Variants in SRGAP2B observed in about 807,000 individuals in gnomAD.
SRGAP2B encodes the protein SLIT-ROBO Rho GTPase activating protein 2B, also known as SLIT-ROBO Rho GTPase-activating protein 2B.
Under a neutral mutation model 22.2 loss-of-function variants are expected in SRGAP2B, and 9 were observed. That is an observed-to-expected ratio of 0.41 (90% CI 0.24 to 0.71). The LOEUF (loss-of-function observed/expected upper bound fraction) is 0.71. Among genes scored for constraint, SRGAP2B ranks in the 30% least tolerant of loss-of-function variants. The pLI, the probability that SRGAP2B is intolerant of heterozygous loss-of-function variation, is 0.35. For synonymous variants in SRGAP2B, 36 were observed against 87.4 expected (o/e 0.41, Z 3.28); for missense variants, 114 against 235.8 (o/e 0.48, Z 3.38).
chr1:145,006,143 A>C (rs1386709188), intron 2 of SRGAP2B, among the ~76,000 whole-genome samples: 2 of 150,936 alleles, frequency 1.3e-5, no homozygotes, highest in Non-Finnish European at 2.9e-5. Flanking sequence ...CTGCTACTGA[A>C]GCATGAGACT....
chr1:144,990,732 C>T (rs1553616880), intron 3 of SRGAP2B, among the ~76,000 whole-genome samples: 1 of 151,108 alleles, frequency 6.6e-6, no homozygotes, highest in Admixed American at 6.6e-5. Flanking sequence ...TTGGTGGGCC[C>T]CGCACTCGGA....
intron 2 of SRGAP2B, among the ~76,000 whole-genome samples, chr1:145,009,658 C>T (rs1338864719): frequency 1.4e-5 from 2 of 146,470 alleles, no homozygotes; most frequent in Non-Finnish European, 3.0e-5. Flanking sequence ...CATGAGAATC[C>T]ATAACACTAG....
intron 4 of SRGAP2B, among the ~76,000 whole-genome samples, chr1:144,951,573 T>A (rs2101917166): frequency 6.7e-6 from 1 of 150,174 alleles, no homozygotes; most frequent in South Asian, 2.1e-4. Flanking sequence ...CGGTAAGGAT[T>A]AAAGGAGATA....
At position 144,993,670 on chromosome 1, in the gene SRGAP2B, C is replaced by T. The variant is rs1442001257; in HGVS notation, c.260+1338G>A. ...GAGGCTGCAGGGAGCCAAGATCACG[C>T]TATTGTACTTCAGCCTGGGTGACAG... On this transcript the variant is annotated intron_variant, in intron 3 of 9. Coordinates refer to ENST00000612199, the Ensembl canonical transcript of SRGAP2B. Among the ~76,000 whole-genome samples the T allele has an allele frequency of 2.0e-5, 3 of 148,228 alleles. 1 individual carries two copies. Among genetic ancestry groups the T allele is most frequent in the African/African-American group, 5.2e-5 (2 of 38,770 alleles).
chr1:145,080,282 ACT>A (rs1249295498), intron 2 of SRGAP2B, among the ~76,000 whole-genome samples: 1 of 146,592 alleles, frequency 6.8e-6, no homozygotes, highest in Non-Finnish European at 1.5e-5. Context: ...CCATCAAGTA[ACT>A]CTCTCTCCCC....
At chr1:144,963,354 TAAA>T (rs2101972438) in intron 3 of SRGAP2B, among the ~76,000 whole-genome samples, 1 of 135,506 alleles carries the variant, frequency 7.4e-6, no homozygotes, top group African/African-American at 3.0e-5. Context: ...TCAGTTAAAC[TAAA>T]ACACCATAGC....
chr1:144,954,748 T>C (rs1553609964), intron 4 of SRGAP2B, among the ~76,000 whole-genome samples: 1 of 150,540 alleles, frequency 6.6e-6, no homozygotes, highest in Non-Finnish European at 1.5e-5. Context: ...ATGATTATTT[T>C]GAGTTTTCCT....
At chr1:144,965,196 A>C (rs1667986199) in intron 3 of SRGAP2B, 1 of 1,044,760 alleles carries the variant, frequency 9.6e-7, no homozygotes, top group Non-Finnish European at 1.5e-6. Flanking sequence ...TCCGGTCTAC[A>C]GCTCCAGCGT....
intron 3 of SRGAP2B, among the ~76,000 whole-genome samples, chr1:144,992,251 C>A: frequency 6.6e-6 from 1 of 150,908 alleles, no homozygotes. Flanking sequence ...GACACACCAC[C>A]TTAAGAGCTG....
intron 2 of SRGAP2B, among the ~76,000 whole-genome samples, chr1:145,063,575 G>A (rs1197556337): frequency 6.6e-6 from 1 of 150,552 alleles, no homozygotes; most frequent in Non-Finnish European, 1.5e-5. Flanking sequence ...TGTAGAAAGG[G>A]AAGATACAAG....
At chr1:144,903,103 T>C (rs1662754797) in intron 7 of SRGAP2B, among the ~76,000 whole-genome samples, 1 of 19,520 alleles carries the variant, frequency 5.1e-5, no homozygotes, top group Admixed American at 5.7e-4. Context: ...TTGCCTTGAG[T>C]ACAAAAAAAG....
intron 4 of SRGAP2B, among the ~76,000 whole-genome samples, chr1:144,921,411 C>T (rs1404779696): frequency 6.2e-5 from 9 of 144,028 alleles, no homozygotes; most frequent in African/African-American, 1.9e-4. Flanking sequence ...GTATTAGTGA[C>T]TCCCAAAGCA....
At chr1:145,093,896 C>G (rs1654198546) in intron 1 of SRGAP2B, among the ~76,000 whole-genome samples, 1 of 147,232 alleles carries the variant, frequency 6.8e-6, no homozygotes, top group South Asian at 2.1e-4. Flanking sequence ...CTCTCCCGCC[C>G]CTCCTCCCAG....
intron 2 of SRGAP2B, among the ~76,000 whole-genome samples, chr1:145,012,919 T>C: frequency 6.7e-6 from 1 of 148,606 alleles, no homozygotes; most frequent in South Asian, 2.1e-4. Context: ...ACCCCATCTC[T>C]ACTAGAAATA....
chr1:144,888,666 G>A (rs1242808624), exon 10 of SRGAP2B: 1 of 16,274 alleles, frequency 6.1e-5, no homozygotes, highest in East Asian at 9.8e-4. Flanking sequence ...CTTGCACTGA[G>A]GGGAGGGATC....
chr1:144,912,169 G>T (rs1297361083), intron 5 of SRGAP2B, among the ~76,000 whole-genome samples: 1 of 146,364 alleles, frequency 6.8e-6, no homozygotes, highest in Non-Finnish European at 1.5e-5. Flanking sequence ...AGCCAGGATG[G>T]TCTCGATCTC....
At chr1:145,084,038 T>TTACC (rs1653145876) in intron 2 of SRGAP2B, among the ~76,000 whole-genome samples, 1 of 137,836 alleles carries the variant, frequency 7.3e-6, no homozygotes, top group African/African-American at 2.7e-5. Context: ...ACGTTGGGCT[T>TTACC]TACCAGAAAG....
Position 144,993,285 on chromosome 1 carries a change from T to C in SRGAP2B, c.260+1723A>G, listed in dbSNP as rs1173440879. On this transcript the variant is annotated intron_variant, in intron 3 of 9. Coordinates refer to ENST00000612199, the Ensembl canonical transcript of SRGAP2B. The stretch of plus-strand genomic sequence containing the variant: ...GAACAGCATTTCCCAAATGTCAATG[T>C]GCACACAAATCACATGCTATGTTGT... 4.0e-5 allele frequency among the ~76,000 whole-genome samples: 6 copies of C among 151,196 alleles called. No homozygotes were observed. In the South Asian group the frequency reaches 1.2e-3, roughly 31 times the overall value.
intron 4 of SRGAP2B, chr1:144,917,434 G>A (rs1553348802): frequency 3.5e-5 from 4 of 113,036 alleles, no homozygotes; most frequent in African/African-American, 1.3e-4. Flanking sequence ...CCAGCCTATC[G>A]TTTCTTAACT....
Sources: gnomAD v4.1 joint callset for allele counts (sites outside exome capture counted in the v4.1 genomes callset) on GRCh38, gnomAD v4.1.1 for gene constraint, MANE v1.5 for transcripts, NCBI Gene and HGNC (gene_info 2026-07-23, HGNC 2026-07-21) for gene names.